The following PIP4K2A variants were observed in gnomAD, a reference collection of about 807,000 sequenced individuals.
PIP4K2A encodes the protein phosphatidylinositol 5-phosphate 4-kinase type-2 alpha.
Under a neutral mutation model 42.9 loss-of-function variants are expected in PIP4K2A, and 14 were observed. The ratio of observed to expected loss-of-function variants is 0.33; its 90% CI spans 0.22 to 0.51. PIP4K2A has a LOEUF of 0.51. Ranked by LOEUF, PIP4K2A falls within the 20% of genes least tolerant of loss-of-function variation. The probability of loss-of-function intolerance (pLI) is 0.97; values close to 1 mark genes in which losing one functional copy is unlikely to be tolerated. For synonymous variants in PIP4K2A, 192 were observed against 192.2 expected (o/e 1.00, Z 0.01); for missense variants, 434 against 519.8 (o/e 0.83, Z 1.61).
At chr10:22,681,802 C>A (rs543630724) in intron 1 of PIP4K2A, among the ~76,000 whole-genome samples, 28,814 of 152,040 alleles carry the variant, frequency 0.19, 3,189 homozygotes, top group African/African-American at 0.3. Flanking sequence ...ACTTTCCCTG[C>A]AAGGGTTAGA....
chr10:22,705,426 TAAAAAAAAAAAAAAAAAAAAAA>T (rs150254345), intron 1 of PIP4K2A, among the ~76,000 whole-genome samples: 2 of 29,244 alleles, frequency 6.8e-5, no homozygotes, highest in Non-Finnish European at 1.1e-4. Context: ...GTACCCCAGT[TAAAAAAAAAAAAAAAAAAAAAA>T]AAAAAAAAAA....
At chr10:22,612,473 G>A (rs571592165) in intron 1 of PIP4K2A, among the ~76,000 whole-genome samples, 1 of 152,300 alleles carries the variant, frequency 6.6e-6, no homozygotes, top group African/African-American at 2.4e-5. Flanking sequence ...CACTGTTAAT[G>A]GGAAAACAGT....
At chr10:22,609,547 G>C (rs947498798) in intron 2 of PIP4K2A, 73 bp downstream of exon 2, 2 of 832,526 alleles carry the variant, frequency 2.4e-6, no homozygotes, top group Middle Eastern at 3.4e-4. Context: ...CAAATTATGT[G>C]ATTACAAAAA....
At chr10:22,617,838 G>A (rs1838210984) in intron 1 of PIP4K2A, among the ~76,000 whole-genome samples, 2 of 152,070 alleles carry the variant, frequency 1.3e-5, no homozygotes, top group Non-Finnish European at 2.9e-5. Flanking sequence ...AAAATCTCAA[G>A]ACACAGATTG....
chr10:22,537,593 A>G (rs975934371), intron 9 of PIP4K2A, among the ~76,000 whole-genome samples: 1 of 152,230 alleles, frequency 6.6e-6, no homozygotes, highest in African/African-American at 2.4e-5. Flanking sequence ...TTACTATCAA[A>G]GAGTGGAATT....
At chr10:22,546,546 G>A (rs900428710) in intron 7 of PIP4K2A, among the ~76,000 whole-genome samples, 1 of 152,082 alleles carries the variant, frequency 6.6e-6, no homozygotes, top group African/African-American at 2.4e-5. Context: ...CTAGTAGCTA[G>A]GACCACAGGC....
intron 1 of PIP4K2A, among the ~76,000 whole-genome samples, chr10:22,667,976 G>A (rs1272254631): frequency 1.3e-5 from 2 of 151,404 alleles, no homozygotes; most frequent in African/African-American, 4.9e-5. Flanking sequence ...AAGACAGACA[G>A]AGTCTCACTC....
chr10:22,537,387 G>T lies in PIP4K2A; in HGVS notation c.1141-106C>A. 4.8e-6 allele frequency: 4 copies of T among 835,954 alleles called. No homozygotes were observed. The Admixed American group carries it at 9.8e-5, about 21-fold the overall frequency. 51.8% of individuals were successfully genotyped at this position (835,954 alleles called of 1,614,324 possible). Reference sequence around the variant, plus strand: ...CCAATGGCAACTGAATATACAGCAAGCAATTTTCAAATCCATGCAGTCTCT... The same window carrying T: ...CCAATGGCAACTGAATATACAGCAATCAATTTTCAAATCCATGCAGTCTCT... On this transcript the variant is annotated intron_variant, in intron 9 of 9. Coordinates refer to ENST00000376573, the MANE Select transcript of PIP4K2A (RefSeq NM_005028.5).
chr10:22,623,845 G>A (rs1463902817), intron 1 of PIP4K2A, among the ~76,000 whole-genome samples: 1 of 152,212 alleles, frequency 6.6e-6, no homozygotes, highest in African/African-American at 2.4e-5. Flanking sequence ...GCCTAAGACT[G>A]AGCCCTGAGC....
intron 1 of PIP4K2A, among the ~76,000 whole-genome samples, chr10:22,613,489 G>C (rs906506496): frequency 6.6e-6 from 1 of 152,138 alleles, no homozygotes; most frequent in Non-Finnish European, 1.5e-5. Flanking sequence ...TCATGGGGAG[G>C]GAGCAGAACT....
intron 3 of PIP4K2A, among the ~76,000 whole-genome samples, chr10:22,606,797 T>G (rs1366925303): frequency 6.6e-6 from 1 of 152,212 alleles, no homozygotes; most frequent in Non-Finnish European, 1.5e-5. Context: ...TGAAGGGACT[T>G]AAGTCAGTAT....
At chr10:22,683,082 ACAAC>A (rs371778640) in intron 1 of PIP4K2A, among the ~76,000 whole-genome samples, 78 of 110,566 alleles carry the variant, frequency 7.1e-4, no homozygotes, top group African/African-American at 1.9e-3. Context: ...AACAACAACA[ACAAC>A]AAAAACAGCT....
chr10:22,635,631 A>C (rs1838646004), intron 1 of PIP4K2A, among the ~76,000 whole-genome samples: 1 of 152,186 alleles, frequency 6.6e-6, no homozygotes, highest in Non-Finnish European at 1.5e-5. Context: ...TAAAAGGCCC[A>C]AACTGATGGG....
intron 1 of PIP4K2A, among the ~76,000 whole-genome samples, chr10:22,676,557 C>T (rs377483958): frequency 5.3e-4 from 80 of 152,236 alleles, no homozygotes; most frequent in African/African-American, 1.8e-3. Flanking sequence ...GCTGCTACAT[C>T]ATCTCATCCA....
intron 1 of PIP4K2A, among the ~76,000 whole-genome samples, chr10:22,648,276 C>G (rs1242296373): frequency 6.6e-6 from 1 of 152,054 alleles, no homozygotes; most frequent in Non-Finnish European, 1.5e-5. Flanking sequence ...TTCAGACAAC[C>G]AAAAAACTCA....
chr10:22,629,621 A>G (rs1161028478), intron 1 of PIP4K2A, among the ~76,000 whole-genome samples: 1 of 152,230 alleles, frequency 6.6e-6, no homozygotes, highest in African/African-American at 2.4e-5. Context: ...TACTATTTCC[A>G]CTGAGGAGGT....
At chr10:22,544,570 T>C (rs1039192364) in intron 7 of PIP4K2A, among the ~76,000 whole-genome samples, 1 of 152,170 alleles carries the variant, frequency 6.6e-6, no homozygotes, top group Non-Finnish European at 1.5e-5. Context: ...GCCCCCCTTC[T>C]GCCCACACCT....
chr10:22,574,444 G>GTTTTTTTT (rs765734098), intron 4 of PIP4K2A, among the ~76,000 whole-genome samples: 2 of 142,350 alleles, frequency 1.4e-5, no homozygotes, highest in Non-Finnish European at 1.5e-5. Flanking sequence ...TTCATTTTCT[G>GTTTTTTTT]TTTTTTTTTT....
At chr10:22,636,629 A>T (rs1035603380) in intron 1 of PIP4K2A, among the ~76,000 whole-genome samples, 5 of 152,210 alleles carry the variant, frequency 3.3e-5, no homozygotes, top group African/African-American at 1.2e-4. Flanking sequence ...AAACTTTCTG[A>T]AAGTTTACAG....
Sources: allele counts gnomAD v4.1 joint callset (sites outside exome capture counted in the v4.1 genomes callset), GRCh38; gene constraint gnomAD v4.1.1; transcripts MANE v1.5; gene names NCBI Gene and HGNC (gene_info 2026-07-23, HGNC 2026-07-21).